ELL: variants seen among roughly 807,000 people sequenced by gnomAD.
ELL encodes the protein RNA polymerase II elongation factor ELL.
A neutral mutation model predicts 64.0 loss-of-function variants in ELL; 18 were observed. That is an observed-to-expected ratio of 0.28 (90% confidence interval 0.19 to 0.42). The LOEUF (loss-of-function observed/expected upper bound fraction) is 0.42, where lower values mean the gene tolerates loss of function less well. Among genes scored for constraint, ELL ranks in the 10% least tolerant of loss-of-function variants. ELL has a pLI of 1.00. For missense variants in ELL, 797 were observed against 870.4 expected (o/e 0.92, Z 1.06); for synonymous variants, 399 against 376.2 (o/e 1.06, Z -0.70).
intron 1 of ELL, among the ~76,000 whole-genome samples, chr19:18,485,985 CAAA>C (rs1240459805): frequency 2.7e-5 from 3 of 112,532 alleles, no homozygotes; most frequent in Admixed American, 9.5e-5. Context: ...GACTCTGTCT[CAAA>C]AAAAAAAAAA....
intron 1 of ELL, among the ~76,000 whole-genome samples, chr19:18,503,411 G>T (rs1469114298): frequency 1.3e-5 from 2 of 152,242 alleles, no homozygotes; most frequent in African/African-American, 4.8e-5. Flanking sequence ...TGGGGGGCAC[G>T]TCTGGCCAGG....
At chr19:18,474,478 G>C (rs1249482146) in intron 1 of ELL, among the ~76,000 whole-genome samples, 1 of 152,212 alleles carries the variant, frequency 6.6e-6, no homozygotes, top group Non-Finnish European at 1.5e-5. Flanking sequence ...ACACCACCCA[G>C]GCCGTGATGC....
chr19:18,482,763 TTTGTTGTTGTTG>T (rs71336679), intron 1 of ELL, among the ~76,000 whole-genome samples: 2 of 149,602 alleles, frequency 1.3e-5, no homozygotes, highest in Admixed American at 6.6e-5. Flanking sequence ...CTTTTTGGTT[TTTGTTGTTGTTG>T]TTGTTGTTGT....
chr19:18,521,698 G>A (rs1976282721), intron 1 of ELL, among the ~76,000 whole-genome samples: 2 of 151,992 alleles, frequency 1.3e-5, no homozygotes, highest in Non-Finnish European at 2.9e-5. Flanking sequence ...CCCCTCAGCA[G>A]CCCCGGGCCA....
intron 1 of ELL, among the ~76,000 whole-genome samples, chr19:18,495,435 C>T (rs1326347044): frequency 2.0e-5 from 3 of 152,308 alleles, no homozygotes; most frequent in East Asian, 3.9e-4. Flanking sequence ...CCCACTCACT[C>T]GCATCCCCAT....
intron 1 of ELL, among the ~76,000 whole-genome samples, chr19:18,519,289 A>G (rs1200215780): frequency 6.6e-6 from 1 of 152,160 alleles, no homozygotes; most frequent in African/African-American, 2.4e-5. Context: ...CAATTGGCAA[A>G]CTATATAACC....
At chr19:18,487,893 T>C (rs375793422) in intron 1 of ELL, among the ~76,000 whole-genome samples, 47 of 152,364 alleles carry the variant, frequency 3.1e-4, no homozygotes, top group Middle Eastern at 3.4e-3. Flanking sequence ...GCTCAGAACC[T>C]GGCTGGCAGG....
At chr19:18,462,253 A>AATCACCTGATCACTCTGGTGGGCAGTG (rs1974836649) in intron 4 of ELL, among the ~76,000 whole-genome samples, 1 of 142,028 alleles carries the variant, frequency 7.0e-6, no homozygotes, top group African/African-American at 2.7e-5. Flanking sequence ...GGTGGGCAGT[A>AATCACCTGATCACTCTGGTGGGCAGTG]TGTGTGTGTG....
intron 1 of ELL, among the ~76,000 whole-genome samples, chr19:18,492,256 A>G (rs1461074236): frequency 6.6e-6 from 1 of 152,210 alleles, no homozygotes; most frequent in Non-Finnish European, 1.5e-5. Context: ...CTCATCCGTC[A>G]TGGTGACGCT....
At chr19:18,500,558 G>GA (rs1460075623) in intron 1 of ELL, among the ~76,000 whole-genome samples, 2 of 152,226 alleles carry the variant, frequency 1.3e-5, no homozygotes, top group Non-Finnish European at 2.9e-5. Flanking sequence ...GGAGAGACGG[G>GA]AACTGGGAGG....
chr19:18,497,667 A>G (rs1474078336), intron 1 of ELL, among the ~76,000 whole-genome samples: 2 of 151,912 alleles, frequency 1.3e-5, no homozygotes, highest in Non-Finnish European at 2.9e-5. Context: ...TTTTTTTTAA[A>G]TTAGCTGGGC....
chr19:18,451,206 G>A (rs987895484), intron 7 of ELL, among the ~76,000 whole-genome samples: 1 of 152,194 alleles, frequency 6.6e-6, no homozygotes, highest in African/African-American at 2.4e-5. Context: ...GTGTGTGAGC[G>A]GGCCACCCCT....
intron 1 of ELL, among the ~76,000 whole-genome samples, chr19:18,518,509 G>C (rs1976179089): frequency 6.6e-6 from 1 of 150,958 alleles, no homozygotes; most frequent in Admixed American, 6.6e-5. Context: ...AAAAAAGGGG[G>C]CCCAGCGTGG....
chr19:18,513,041 G>A (rs574874621), intron 1 of ELL, among the ~76,000 whole-genome samples: 14 of 152,278 alleles, frequency 9.2e-5, no homozygotes, highest in African/African-American at 2.9e-4. Flanking sequence ...ATATACTTGC[G>A]GTCTCCCCAT....
chr19:18,447,979 TCTCA>T (rs1974452046), intron 8 of ELL, among the ~76,000 whole-genome samples: 1 of 152,040 alleles, frequency 6.6e-6, no homozygotes, highest in Non-Finnish European at 1.5e-5. Flanking sequence ...AGAGATGGGG[TCTCA>T]CTGTGTTGCC....
Sources: gnomAD v4.1 joint callset for allele counts (sites outside exome capture counted in the v4.1 genomes callset) on GRCh38, gnomAD v4.1.1 for gene constraint, MANE v1.5 for transcripts, NCBI Gene and HGNC (gene_info 2026-07-23, HGNC 2026-07-21) for gene names.